Variants in BMF observed in about 807,000 individuals in gnomAD.
The protein encoded by BMF is bcl-2-modifying factor.
Under a neutral mutation model 22.0 loss-of-function variants are expected in BMF, and 10 were observed. The ratio of observed to expected loss-of-function variants is 0.45; its 90% CI spans 0.28 to 0.77. The LOEUF (loss-of-function observed/expected upper bound fraction) is 0.77, where lower values mean the gene tolerates loss of function less well. BMF is among the 30% of genes least tolerant of loss of function. The pLI is 0.13. For missense variants in BMF, 206 were observed against 226.8 expected, an observed-to-expected ratio of 0.91 and a Z score of 0.59; for synonymous variants, 87 against 88.1, an observed-to-expected ratio of 0.99 and a Z score of 0.07.
chr15:40,093,247 G>A (rs2036282495), intron 4 of BMF, among the ~76,000 whole-genome samples: 1 of 152,090 alleles, frequency 6.6e-6, no homozygotes, highest in South Asian at 2.1e-4. Flanking sequence ...GCTGGCCTCA[G>A]GGCCTGACAA....
chr15:40,108,010 A>C (rs1357030884), intron 2 of BMF: 1 of 152,334 alleles, frequency 6.6e-6, no homozygotes, highest in African/African-American at 2.4e-5. Flanking sequence ...TTTTCTCCTG[A>C]GCTTAAGAGG....
chr15:40,097,813 T>C (rs937091666), intron 4 of BMF, among the ~76,000 whole-genome samples: 1 of 152,146 alleles, frequency 6.6e-6, no homozygotes, highest in African/African-American at 2.4e-5. Flanking sequence ...CTCAATATGC[T>C]CTGCAACAGG....
intron 4 of BMF, among the ~76,000 whole-genome samples, chr15:40,101,933 A>G (rs910355392): frequency 6.6e-6 from 1 of 152,178 alleles, no homozygotes; most frequent in Non-Finnish European, 1.5e-5. Context: ...AAGTAGGTAG[A>G]TGGCAGGAGG....
intron 1 of BMF, 161 bp downstream of exon 1, chr15:40,108,612 C>A: frequency 6.6e-6 from 1 of 152,622 alleles, no homozygotes; most frequent in South Asian, 2.1e-4. Flanking sequence ...GTTCTGCACC[C>A]CGTTCCCTCA....
At chr15:40,104,088 A>G in intron 4 of BMF, 92 bp downstream of exon 4, 1 of 1,515,258 alleles carries the variant, frequency 6.6e-7, no homozygotes, top group Non-Finnish European at 9.1e-7. Context: ...GAGGTCTGGC[A>G]GAGACAGAGT....
chr15:40,097,691 G>A (rs908999026), intron 4 of BMF, among the ~76,000 whole-genome samples: 6 of 152,194 alleles, frequency 3.9e-5, no homozygotes, highest in Admixed American at 6.5e-5. Flanking sequence ...TGGTGATTAC[G>A]TAAGAAAAAT....
chr15:40,093,281 C>T (rs1002210794), intron 4 of BMF, among the ~76,000 whole-genome samples: 2 of 152,204 alleles, frequency 1.3e-5, no homozygotes, highest in African/African-American at 4.8e-5. Context: ...GGAATGCCCC[C>T]GTCCATCATG....
Position 40,089,721 on chromosome 15 carries a change from G to C in BMF, c.*2066C>G, listed in dbSNP as rs1421511418. 6.6e-6 allele frequency: 1 copy of C among 152,260 alleles called. No homozygotes were observed. Among genetic ancestry groups the C allele is most frequent in the African/African-American group, 2.4e-5 (1 of 41,468 alleles). 9.4% of individuals were successfully genotyped at this position (152,260 alleles called of 1,614,324 possible). ...GTAAATAATCCCGGTTTTTTGGTGT[G>C]TGCCACTGAAGCATACGGCAGCAGG... is the stretch of plus-strand genomic sequence containing the variant. On this transcript the variant is annotated 3_prime_UTR_variant, in exon 5 of 5. Coordinates refer to ENST00000354670, the MANE Select transcript of BMF (RefSeq NM_001003940.2).
chr15:40,105,711 C>G, intron 3 of BMF, 84 bp downstream of exon 3: 1 of 1,453,818 alleles, frequency 6.9e-7, no homozygotes, highest in Non-Finnish European at 9.2e-7. Context: ...GGGAAGGAAA[C>G]AGCAAAGGGC....
At chr15:40,095,284 A>C (rs558654659) in intron 4 of BMF, among the ~76,000 whole-genome samples, 6 of 152,380 alleles carry the variant, frequency 3.9e-5, no homozygotes, top group East Asian at 3.9e-4. Context: ...ATTTTTCCTA[A>C]AAGTTTAACA....
chr15:40,091,721 C>T lies in BMF; in HGVS notation c.*66G>A, dbSNP rs1018442807. ...AATTTCACAAGACACAGTGTCAGTC[C>T]TGCCCGATGTCCTTCCTGTTCCAGA... is the stretch of plus-strand genomic sequence containing the variant. On this transcript the variant is annotated 3_prime_UTR_variant, in exon 5 of 5. Coordinates refer to ENST00000354670, the MANE Select transcript of BMF (RefSeq NM_001003940.2). The T allele has an allele frequency of 5.0e-5, 59 of 1,191,322 alleles. No homozygotes were observed. Among genetic ancestry groups the T allele is most frequent in the Non-Finnish European group, 6.8e-5 (56 of 827,942 alleles). 73.8% of individuals were successfully genotyped at this position (1,191,322 alleles called of 1,614,324 possible).
chr15:40,093,549 G>C (rs539155422), intron 4 of BMF, among the ~76,000 whole-genome samples: 1 of 152,162 alleles, frequency 6.6e-6, no homozygotes, highest in Non-Finnish European at 1.5e-5. Flanking sequence ...CGAAGCCTCC[G>C]GCCTGCAGCA....
At chr15:40,100,723 C>T (rs572952139) in intron 4 of BMF, among the ~76,000 whole-genome samples, 235 of 152,320 alleles carry the variant, frequency 1.5e-3, no homozygotes, top group African/African-American at 5.4e-3. Flanking sequence ...AGATGGCCCA[C>T]GTAAAACGAC....
intron 4 of BMF, among the ~76,000 whole-genome samples, chr15:40,092,932 G>T (rs780933437): frequency 6.6e-6 from 1 of 152,210 alleles, no homozygotes; most frequent in Non-Finnish European, 1.5e-5. Context: ...GAGCCAGCAC[G>T]GGCTGGACTT....
intron 4 of BMF, among the ~76,000 whole-genome samples, chr15:40,095,750 G>A (rs1170019493): frequency 6.6e-6 from 1 of 152,144 alleles, no homozygotes; most frequent in African/African-American, 2.4e-5. Flanking sequence ...AGAGGTGAAT[G>A]CCCCCAGGGA....
intron 4 of BMF, among the ~76,000 whole-genome samples, chr15:40,103,242 T>C (rs1003999915): frequency 3.3e-5 from 5 of 152,348 alleles, no homozygotes; most frequent in African/African-American, 9.6e-5. Context: ...CCAGCTGGGC[T>C]GGGGACACAG....
At chr15:40,104,074 C>G (rs892538973) in intron 4 of BMF, 106 bp downstream of exon 4, 2 of 1,453,282 alleles carry the variant, frequency 1.4e-6, no homozygotes, top group Non-Finnish European at 9.5e-7. Context: ...GGGACAATAT[C>G]CTTGAGGTCT....
chr15:40,088,917 G>C lies in BMF; in HGVS notation c.*2870C>G, dbSNP rs530508133. ...TCTGGCCTGGGGACTTCCCTCACCA[G>C]ATCTGTTGACCAACTTCTAGAAACC... On this transcript the variant is annotated 3_prime_UTR_variant, in exon 5 of 5. Transcript: ENST00000354670. 6.5e-6 allele frequency: 1 copy of C among 152,688 alleles called. No homozygotes were observed. Among genetic ancestry groups the C allele is most frequent in the South Asian group, 2.1e-4 (1 of 4,836 alleles). 9.5% of individuals were successfully genotyped at this position (152,688 alleles called of 1,614,324 possible).
At chr15:40,099,230 G>A (rs1256234544) in intron 4 of BMF, among the ~76,000 whole-genome samples, 1 of 152,198 alleles carries the variant, frequency 6.6e-6, no homozygotes, top group Non-Finnish European at 1.5e-5. Flanking sequence ...CAAAGTGTCA[G>A]GAAGCAATCA....
Sources: gnomAD v4.1 joint callset for allele counts (sites outside exome capture counted in the v4.1 genomes callset) on GRCh38, gnomAD v4.1.1 for gene constraint, MANE v1.5 for transcripts, NCBI Gene and HGNC (gene_info 2026-07-23, HGNC 2026-07-21) for gene names.